Variants in ADGRV1 observed in about 807,000 individuals in gnomAD.
ADGRV1 encodes adhesion G protein-coupled receptor V1.
ADGRV1 carries 359 observed loss-of-function variants against 596.2 expected under a neutral mutation model. That is an observed-to-expected ratio of 0.60 (90% CI 0.55 to 0.66). ADGRV1 has a LOEUF of 0.66. Among genes scored for constraint, ADGRV1 ranks in the 30% least tolerant of loss-of-function variants. The pLI is 0.00. For synonymous variants in ADGRV1, 2,681 were observed against 2,679.2 expected, an observed-to-expected ratio of 1.00 and a Z score of -0.02; for missense variants, 7,274 against 7,575.6, an observed-to-expected ratio of 0.96 and a Z score of 1.48.
At chr5:90,861,782 A>G (rs572881273) in intron 82 of ADGRV1, among the ~76,000 whole-genome samples, 1 of 152,340 alleles carries the variant, frequency 6.6e-6, no homozygotes, top group South Asian at 2.1e-4. Flanking sequence ...AAAATAAAAG[A>G]TAAGTATTTA....
At position 91,164,231 on chromosome 5, in the gene ADGRV1, G is replaced by A; in HGVS notation, c.*331G>A. On this transcript the variant is annotated 3_prime_UTR_variant, in exon 90 of 90. Transcript: ENST00000405460. ...AATAGAATCTATTTGGTATCATCCA[G>A]CTTCATTATTGATAAAGAAACATTG... 2 of 345,830 alleles carry A rather than the reference G, an allele frequency of 5.8e-6. No homozygotes were observed. Among genetic ancestry groups the A allele is most frequent in the Non-Finnish European group, 5.6e-6 (1 of 178,460 alleles). The allele number at this position is 345,830 out of a possible 1,614,324, so 21.4% of individuals were successfully genotyped here. A position where few individuals can be genotyped will look rare whatever the true frequency, so the allele number is the denominator to read the frequency against.
intron 85 of ADGRV1, among the ~76,000 whole-genome samples, chr5:91,042,652 G>A (rs554776822): frequency 1.4e-4 from 22 of 152,216 alleles, no homozygotes; most frequent in Admixed American, 4.6e-4. Flanking sequence ...TAACCATCAG[G>A]ATAATTTAAT....
At chr5:90,980,449 T>C (rs1405062872) in intron 84 of ADGRV1, among the ~76,000 whole-genome samples, 1 of 152,158 alleles carries the variant, frequency 6.6e-6, no homozygotes, top group Non-Finnish European at 1.5e-5. Flanking sequence ...AACAGTCAAG[T>C]AGGATGAATT....
At chr5:91,012,129 A>C (rs1387289255) in intron 85 of ADGRV1, among the ~76,000 whole-genome samples, 2 of 151,920 alleles carry the variant, frequency 1.3e-5, no homozygotes, top group African/African-American at 2.4e-5. Context: ...CACTGGGGCT[A>C]AGTTGTTCTA....
In ADGRV1 at chr5:90,926,770, T is replaced by C. The variant is rs1454788464; in HGVS notation, c.17857-38645T>C. ...TTTCCTGCTTTCTCTTGTGGGCATT[T>C]AGTGCTATAAATTTCCCTCTACACA... is the stretch of plus-strand genomic sequence containing the variant. On this transcript the variant is annotated intron_variant, in intron 83 of 89. Transcript: ENST00000405460. Among the ~76,000 whole-genome samples the C allele has an allele frequency of 3.8e-3, 574 of 149,442 alleles. 3 individuals carry two copies. The highest frequency in any genetic ancestry group is 0.014 in the African/African-American group (555 of 40,760).
intron 50 of ADGRV1, 106 bp downstream of exon 50, chr5:90,729,870 A>ATTT (rs370142714): frequency 7.0e-4 from 657 of 934,088 alleles, no homozygotes; most frequent in South Asian, 2.0e-3. Context: ...GACACTGGGT[A>ATTT]TTTTTTTTTT....
chr5:90,872,052 T>C (rs1768734475), intron 83 of ADGRV1, among the ~76,000 whole-genome samples: 1 of 152,156 alleles, frequency 6.6e-6, no homozygotes, highest in East Asian at 1.9e-4. Context: ...AGTTGAACAC[T>C]GAATCCTTCC....
At chr5:90,566,065 A>T (rs1336150728) in intron 1 of ADGRV1, among the ~76,000 whole-genome samples, 1 of 152,126 alleles carries the variant, frequency 6.6e-6, no homozygotes, top group Non-Finnish European at 1.5e-5. Context: ...TACTCTAGAT[A>T]CTAATCCCTT....
chr5:90,965,490 C>A lies in ADGRV1; in HGVS notation c.17932C>A (p.His5978Asn). The change falls in exon 84 of 90, where the codon CAT becomes AAT. Residue 5978 changes from histidine (H) to asparagine (N), a missense_variant. Around this residue, in one of 5 missense-constraint regions of ADGRV1, gnomAD observed 1,874 missense variants for 1,970.2 expected, o/e 0.95. Transcript: ENST00000405460. Reference sequence around the variant, plus strand: ...CTGTTCAGCTATGGCTGCTGTCACACATTACCTGTATCTTTGCCAGTTTAG... The same window carrying A: ...CTGTTCAGCTATGGCTGCTGTCACAAATTACCTGTATCTTTGCCAGTTTAG... ...ESCSAMAAVT[H>N]YLYLCQFSWM... 1 of 1,613,550 alleles carries A rather than the reference C, an allele frequency of 6.2e-7. No individual in the cohort carries two copies. The highest frequency in any genetic ancestry group is 8.5e-7 in the Non-Finnish European group (1 of 1,179,528).
chr5:90,848,568 T>C (rs1766148449), intron 78 of ADGRV1, 69 bp from the exon 79 acceptor site: 2 of 803,978 alleles, frequency 2.5e-6, no homozygotes, highest in South Asian at 3.3e-5. Flanking sequence ...CACACACATA[T>C]ATGTATAGCA....
intron 85 of ADGRV1, among the ~76,000 whole-genome samples, chr5:91,009,529 G>A (rs1209527004): frequency 6.6e-6 from 1 of 151,996 alleles, no homozygotes; most frequent in African/African-American, 2.4e-5. Flanking sequence ...TATTCTAAAT[G>A]TTCATACCTG....
chr5:90,918,696 A>G (rs1047722404), intron 83 of ADGRV1, among the ~76,000 whole-genome samples: 15 of 152,188 alleles, frequency 9.9e-5, no homozygotes, highest in African/African-American at 3.4e-4. Context: ...TAAACATGTT[A>G]TGCAATGTCT....
Position 90,627,395 on chromosome 5 carries a change from GA to G in ADGRV1, c.860del (p.Lys287ArgfsTer7). The G allele has an allele frequency of 1.2e-6, 2 of 1,613,912 alleles. No individual in the cohort carries two copies. The highest frequency in any genetic ancestry group is 1.7e-6 in the Non-Finnish European group (2 of 1,179,860). ...DHILIIPVVR[G>X]KDNNGNLIGS... is the part of the protein sequence containing the mutation. ...ATACTCATAATTCCAGTAGTTCGTG[GA>G]AAGGACAACAATGGAAATCTGATTG... On this transcript the variant is annotated frameshift_variant, in exon 7 of 90. Transcript: ENST00000405460. LOFTEE classifies it high-confidence loss of function.
intron 87 of ADGRV1, among the ~76,000 whole-genome samples, chr5:91,126,851 A>G (rs1290500410): frequency 6.6e-6 from 1 of 152,132 alleles, no homozygotes; most frequent in Non-Finnish European, 1.5e-5. Context: ...GCAACAGCAG[A>G]TATGCCTGGT....
intron 21 of ADGRV1, among the ~76,000 whole-genome samples, chr5:90,662,599 CTTTTTTTCT>C (rs1184166912): frequency 1.0e-4 from 15 of 149,440 alleles, no homozygotes; most frequent in East Asian, 2.0e-4. Flanking sequence ...TTTTTTTTTT[CTTTTTTTCT>C]TTTTTTTCTT....
rs577539668 is a variant in ADGRV1, at chr5:91,142,853, G to A, written c.18433-7177G>A. On this transcript the variant is annotated intron_variant, in intron 87 of 89. Transcript: ENST00000405460. ...GGTCATAGTGTTACGGGATCCTTGG[G>A]GTTTCGCTTTGCCAGCTGGAAATCT... is the stretch of plus-strand genomic sequence containing the variant. Among the ~76,000 whole-genome samples the A allele has an allele frequency of 9.8e-4, 150 of 152,306 alleles. 1 individual carries two copies. The highest frequency in any genetic ancestry group is 2.5e-4 in the Non-Finnish European group (17 of 68,014).
chr5:90,642,407 T>TA (rs1278423336), intron 11 of ADGRV1, among the ~76,000 whole-genome samples: 1 of 152,112 alleles, frequency 6.6e-6, no homozygotes, highest in South Asian at 2.1e-4. Context: ...TTTTGTCAAA[T>TA]AAAAAAAGAT....
At chr5:90,600,593 T>C (rs865790658) in intron 1 of ADGRV1, among the ~76,000 whole-genome samples, 7 of 152,216 alleles carry the variant, frequency 4.6e-5, no homozygotes, top group African/African-American at 1.2e-4. Context: ...TTTGCTATTG[T>C]GAATAGTGCA....
chr5:90,871,725 C>T (rs1768702525), intron 83 of ADGRV1, among the ~76,000 whole-genome samples: 1 of 152,140 alleles, frequency 6.6e-6, no homozygotes, highest in Non-Finnish European at 1.5e-5. Context: ...TAGGCAAAAG[C>T]AACATATGAA....
Sources: allele counts gnomAD v4.1 joint callset (sites outside exome capture counted in the v4.1 genomes callset), GRCh38; gene constraint gnomAD v4.1.1; regional missense constraint gnomAD v4.1.1; transcripts MANE v1.5; gene names NCBI Gene and HGNC (gene_info 2026-07-23, HGNC 2026-07-21).